Variants in KLHL1 observed in about 807,000 individuals in gnomAD.
KLHL1 encodes kelch-like protein 1.
In KLHL1, 47 loss-of-function variants were observed where a neutral mutation model predicts 77.7. The ratio of observed to expected loss-of-function variants is 0.60; its 90% CI spans 0.48 to 0.77. The LOEUF is 0.77. KLHL1 is among the 30% of genes least tolerant of loss of function. The pLI is 0.00. For synonymous variants in KLHL1, 360 were observed against 325.2 expected, an observed-to-expected ratio of 1.11 and a Z score of -1.15; for missense variants, 925 against 910.8, an observed-to-expected ratio of 1.02 and a Z score of -0.20.
chr13:69,792,605 G>C (rs913304913), intron 7 of KLHL1, among the ~76,000 whole-genome samples: 1 of 152,108 alleles, frequency 6.6e-6, no homozygotes, highest in Non-Finnish European at 1.5e-5. Context: ...ATATATAGTA[G>C]TTTAAGTCAT....
chr13:70,026,747 A>AGG (rs1326780871), intron 1 of KLHL1, among the ~76,000 whole-genome samples: 56 of 151,402 alleles, frequency 3.7e-4, no homozygotes, highest in Admixed American at 8.6e-4. Context: ...TGTGTGTAAG[A>AGG]GGGAGAGAGA....
At chr13:70,041,830 T>C (rs1319893717) in intron 1 of KLHL1, among the ~76,000 whole-genome samples, 1 of 152,070 alleles carries the variant, frequency 6.6e-6, no homozygotes, top group Non-Finnish European at 1.5e-5. Flanking sequence ...CACACTGGGA[T>C]AGAATACCAT....
At chr13:69,834,229 A>G (rs1296044828) in intron 6 of KLHL1, among the ~76,000 whole-genome samples, 2 of 151,960 alleles carry the variant, frequency 1.3e-5, no homozygotes, top group African/African-American at 4.8e-5. Context: ...TTTCCCACAA[A>G]CCTATTGAAA....
rs180897700 is a variant in KLHL1, at chr13:70,031,759, T to C, written c.498-55957A>G. 4.8e-3 allele frequency among the ~76,000 whole-genome samples: 738 copies of C among 152,276 alleles called. 2 individuals carry two copies. The highest frequency in any genetic ancestry group is 0.017 in the African/African-American group (709 of 41,560). ...GAAGCTGTATTTCCTCCAGTTGTTC[T>C]AGAGTGATAGTATGCTAACTGCAGG... On this transcript the variant is annotated intron_variant, in intron 1 of 10. Transcript: ENST00000377844.
intron 4 of KLHL1, among the ~76,000 whole-genome samples, chr13:69,889,045 T>C (rs1468561858): frequency 6.7e-6 from 1 of 149,572 alleles, no homozygotes; most frequent in Non-Finnish European, 1.5e-5. Flanking sequence ...GCATAGGTCA[T>C]ATATATATAT....
intron 8 of KLHL1, among the ~76,000 whole-genome samples, chr13:69,738,544 G>A (rs1008690144): frequency 5.9e-5 from 9 of 152,030 alleles, no homozygotes; most frequent in African/African-American, 1.9e-4. Flanking sequence ...CCAATTTAGA[G>A]AGGAACATAA....
intron 4 of KLHL1, among the ~76,000 whole-genome samples, chr13:69,885,999 A>T (rs1881202813): frequency 6.6e-6 from 1 of 152,178 alleles, no homozygotes; most frequent in South Asian, 2.1e-4. Flanking sequence ...GTGATGCCAT[A>T]GTTGTCAATT....
intron 5 of KLHL1, among the ~76,000 whole-genome samples, chr13:69,860,260 T>C (rs1300439579): frequency 6.6e-6 from 1 of 151,936 alleles, no homozygotes; most frequent in Non-Finnish European, 1.5e-5. Flanking sequence ...ATCTCAATGT[T>C]CAAAAAAGCA....
intron 4 of KLHL1, among the ~76,000 whole-genome samples, chr13:69,929,709 T>G (rs936859146): frequency 6.6e-5 from 10 of 151,902 alleles, no homozygotes; most frequent in Non-Finnish European, 1.3e-4. Context: ...TTATGCTAGT[T>G]GTAAAATAAT....
intron 4 of KLHL1, among the ~76,000 whole-genome samples, chr13:69,912,218 A>G (rs1882262105): frequency 6.6e-6 from 1 of 152,322 alleles, no homozygotes; most frequent in South Asian, 2.1e-4. Flanking sequence ...ATGTCAACAG[A>G]GTGGAAAAAG....
intron 7 of KLHL1, 104 bp downstream of exon 7, chr13:69,796,634 G>A (rs1354325198): frequency 3.7e-5 from 32 of 875,960 alleles, no homozygotes; most frequent in Middle Eastern, 6.2e-4. Flanking sequence ...TTCCTTTATC[G>A]CAACACAAAT....
At chr13:69,886,707 G>T (rs994992375) in intron 4 of KLHL1, among the ~76,000 whole-genome samples, 3 of 152,022 alleles carry the variant, frequency 2.0e-5, no homozygotes, top group Non-Finnish European at 4.4e-5. Context: ...TTCATGAGCA[G>T]CTAATATCAA....
intron 1 of KLHL1, among the ~76,000 whole-genome samples, chr13:70,010,666 G>A (rs879428511): frequency 4.6e-5 from 7 of 151,914 alleles, no homozygotes; most frequent in Non-Finnish European, 7.4e-5. Context: ...CAATGTGGTT[G>A]GATCACCTGA....
At chr13:70,052,539 A>T (rs1306218693) in intron 1 of KLHL1, among the ~76,000 whole-genome samples, 1 of 151,928 alleles carries the variant, frequency 6.6e-6, no homozygotes, top group Non-Finnish European at 1.5e-5. Context: ...ACATTACTTA[A>T]ATTTTGATTT....
chr13:69,932,359 C>A (rs60127818), intron 4 of KLHL1, among the ~76,000 whole-genome samples: 1 of 151,346 alleles, frequency 6.6e-6, no homozygotes. Context: ...GAAGACTGTG[C>A]TTTATAAGTT....
chr13:69,796,066 A>G (rs1338635528), intron 7 of KLHL1, among the ~76,000 whole-genome samples: 1 of 152,160 alleles, frequency 6.6e-6, no homozygotes, highest in Non-Finnish European at 1.5e-5. Context: ...TACATATCGT[A>G]TGATCTTTGA....
intron 4 of KLHL1, among the ~76,000 whole-genome samples, chr13:69,936,412 A>G (rs912863534): frequency 2.4e-5 from 3 of 124,578 alleles, no homozygotes; most frequent in Non-Finnish European, 3.8e-5. Context: ...AACAAGGTGA[A>G]ACCTCGTCTC....
At chr13:69,726,871 T>C (rs968336928) in intron 8 of KLHL1, among the ~76,000 whole-genome samples, 4 of 152,150 alleles carry the variant, frequency 2.6e-5, no homozygotes, top group African/African-American at 4.8e-5. Flanking sequence ...TTTATTTATC[T>C]TCTTTGATAT....
At chr13:70,050,447 C>T (rs1346568542) in intron 1 of KLHL1, among the ~76,000 whole-genome samples, 2 of 151,556 alleles carry the variant, frequency 1.3e-5, no homozygotes, top group African/African-American at 4.8e-5. Flanking sequence ...CTGAGGTTTT[C>T]CTTTTTAAAA....
Sources: gnomAD v4.1 joint callset for allele counts (sites outside exome capture counted in the v4.1 genomes callset) on GRCh38, gnomAD v4.1.1 for gene constraint, MANE v1.5 for transcripts, NCBI Gene and HGNC (gene_info 2026-07-23, HGNC 2026-07-21) for gene names.